The following GPD1L variants were observed in gnomAD, a reference collection of about 807,000 sequenced individuals.
The protein encoded by GPD1L is glycerol-3-phosphate dehydrogenase 1-like protein.
A neutral mutation model predicts 32.9 loss-of-function variants in GPD1L; 17 were observed. That is an observed-to-expected ratio of 0.52 (90% CI 0.35 to 0.78). GPD1L has a LOEUF of 0.78. GPD1L is among the 30% of genes least tolerant of loss of function. The pLI, the probability that GPD1L is intolerant of heterozygous loss-of-function variation, is 0.01. For synonymous variants in GPD1L, 187 were observed against 165.9 expected (o/e 1.13, Z -0.98); for missense variants, 361 against 447.8 (o/e 0.81, Z 1.75).
chr3:32,142,806 T>C (rs541050886), intron 4 of GPD1L, among the ~76,000 whole-genome samples: 91 of 152,258 alleles, frequency 6.0e-4, no homozygotes, highest in African/African-American at 2.0e-3. Flanking sequence ...TAAAAGCACA[T>C]AAGTTGCATT....
At chr3:32,129,440 T>G (rs548171755) in intron 2 of GPD1L, among the ~76,000 whole-genome samples, 1 of 152,356 alleles carries the variant, frequency 6.6e-6, no homozygotes, top group Admixed American at 6.5e-5. Context: ...GCAATACATT[T>G]AGTCTCATTT....
At chr3:32,128,522 G>T (rs536267529) in intron 2 of GPD1L, among the ~76,000 whole-genome samples, 3 of 152,222 alleles carry the variant, frequency 2.0e-5, no homozygotes, top group African/African-American at 7.2e-5. Flanking sequence ...TGAGATCAGG[G>T]TGTTGATAGG....
intron 1 of GPD1L, among the ~76,000 whole-genome samples, chr3:32,120,945 G>A (rs996704391): frequency 2.0e-5 from 3 of 152,138 alleles, no homozygotes; most frequent in Non-Finnish European, 4.4e-5. Flanking sequence ...GCTGGAGGCG[G>A]GGAGGGCATT....
chr3:32,161,307 C>G (rs1481600154), intron 7 of GPD1L, among the ~76,000 whole-genome samples: 1 of 152,100 alleles, frequency 6.6e-6, no homozygotes, highest in Non-Finnish European at 1.5e-5. Context: ...TAAAACCAGC[C>G]ATGCAGAGAT....
chr3:32,127,943 T>C (rs1700535138), intron 1 of GPD1L, 133 bp from the exon 2 acceptor site: 1 of 721,036 alleles, frequency 1.4e-6, no homozygotes, highest in South Asian at 1.5e-5. Context: ...TTGGGGCTGA[T>C]ACACGTCACA....
chr3:32,109,029 T>TTAGTAGAGACGGGGTTTCACCA (rs1700208699), intron 1 of GPD1L, among the ~76,000 whole-genome samples: 1 of 152,176 alleles, frequency 6.6e-6, no homozygotes, highest in Non-Finnish European at 1.5e-5. Context: ...TTTTGTATTC[T>TTAGTAGAGACGGGGTTTCACCA]TAGTAGAGAC....
intron 1 of GPD1L, among the ~76,000 whole-genome samples, chr3:32,120,489 G>A (rs1037974184): frequency 6.6e-6 from 1 of 152,302 alleles, no homozygotes; most frequent in Non-Finnish European, 1.5e-5. Context: ...GATTAGTCAA[G>A]GTGGTCTTTC....
intron 1 of GPD1L, among the ~76,000 whole-genome samples, chr3:32,112,872 AC>A (rs1453108624): frequency 6.6e-5 from 10 of 152,132 alleles, no homozygotes; most frequent in African/African-American, 2.4e-4. Context: ...TATTATTATA[AC>A]CCTATGTTAG....
At chr3:32,117,255 C>G (rs1198228438) in intron 1 of GPD1L, among the ~76,000 whole-genome samples, 1 of 152,102 alleles carries the variant, frequency 6.6e-6, no homozygotes, top group Non-Finnish European at 1.5e-5. Flanking sequence ...CAGTGAATAG[C>G]CTTATACTGA....
Position 32,108,744 on chromosome 3 carries a change from A to C in GPD1L, c.47+1986A>C, listed in dbSNP as rs538107612. On this transcript the variant is annotated intron_variant, in intron 1 of 7. Transcript: ENST00000282541. Reference sequence around the variant, plus strand: ...TATTGCATACTTTTCTGTGAGCTGCATTTTTCAACCAACAACAGAATGTTC... The same window carrying C: ...TATTGCATACTTTTCTGTGAGCTGCCTTTTTCAACCAACAACAGAATGTTC... Among the ~76,000 whole-genome samples the C allele has an allele frequency of 2.2e-4, 34 of 152,152 alleles. 1 individual carries two copies. The highest frequency in any genetic ancestry group is 9.2e-4 in the Admixed American group (14 of 15,272).
intron 5 of GPD1L, among the ~76,000 whole-genome samples, chr3:32,157,208 C>G (rs1203890876): frequency 6.6e-6 from 1 of 151,404 alleles, no homozygotes; most frequent in Non-Finnish European, 1.5e-5. Flanking sequence ...TGAACGGAAG[C>G]TTGTGGCTCC....
Position 32,159,576 on chromosome 3 carries a change from A to G in GPD1L, c.861A>G (p.Glu287=), listed in dbSNP as rs1701048737. The G allele has an allele frequency of 2.5e-6, 4 of 1,587,534 alleles. No individual in the cohort carries two copies. The highest frequency in any genetic ancestry group is 2.6e-6 in the Non-Finnish European group (3 of 1,155,982). Reference sequence around the variant, plus strand: ...AATCCTTTGTTTTTAAGACCATTGAAGAGTTGGAGAAGGAGATGCTGAATG... The same window carrying G: ...AATCCTTTGTTTTTAAGACCATTGAGGAGTTGGAGAAGGAGATGCTGAATG... ...EAFARTGKTI[E]ELEKEMLNGQ... is the part of the protein sequence containing the mutation. The change falls in exon 7 of 8, where the codon GAA becomes GAG. Residue 287 remains glutamate, a synonymous_variant. Coordinates refer to ENST00000282541, the MANE Select transcript of GPD1L (RefSeq NM_015141.4).
At chr3:32,165,374 C>T (rs1232130198) in intron 7 of GPD1L, among the ~76,000 whole-genome samples, 2 of 58,396 alleles carry the variant, frequency 3.4e-5, no homozygotes, top group Non-Finnish European at 6.2e-5. Flanking sequence ...CGGGAGCATT[C>T]CAGCCTACAT....
chr3:32,117,991 G>T (rs1700356049), intron 1 of GPD1L, among the ~76,000 whole-genome samples: 1 of 152,174 alleles, frequency 6.6e-6, no homozygotes, highest in South Asian at 2.1e-4. Flanking sequence ...GGCTGACAGA[G>T]GTGTGGTCCA....
At chr3:32,157,534 G>T (rs1701011630) in intron 5 of GPD1L, among the ~76,000 whole-genome samples, 1 of 152,134 alleles carries the variant, frequency 6.6e-6, no homozygotes, top group Non-Finnish European at 1.5e-5. Flanking sequence ...GGGCTGAGTG[G>T]GGTGCTCCCC....
chr3:32,161,529 ACT>A (rs1185436591), intron 7 of GPD1L, among the ~76,000 whole-genome samples: 1 of 151,950 alleles, frequency 6.6e-6, no homozygotes, highest in Non-Finnish European at 1.5e-5. Context: ...GTTTAGTGAG[ACT>A]CTCCCAACCA....
rs1313182212 is a variant in GPD1L, at chr3:32,153,141, T to G, written c.619-5735T>G. On this transcript the variant is annotated intron_variant, in intron 5 of 7. Transcript: ENST00000282541. ...GGGGCTGTTCTGCAGTTCTAATTGCTGGGCATGTAGGTTTGCTCCAGGGCT... is the reference window on the plus strand; with the variant it reads ...GGGGCTGTTCTGCAGTTCTAATTGCGGGGCATGTAGGTTTGCTCCAGGGCT... Among the ~76,000 whole-genome samples, 4 of 152,298 alleles carry G rather than the reference T, an allele frequency of 2.6e-5. No individual in the cohort carries two copies. The East Asian group carries it at 7.7e-4, about 29-fold the overall frequency.
intron 1 of GPD1L, among the ~76,000 whole-genome samples, chr3:32,125,436 C>A (rs1446242103): frequency 6.6e-6 from 1 of 152,196 alleles, no homozygotes; most frequent in East Asian, 1.9e-4. Context: ...TCTGCTCTTC[C>A]CAGCCCTGAT....
chr3:32,126,013 A>G (rs1700502236), intron 1 of GPD1L, among the ~76,000 whole-genome samples: 1 of 152,026 alleles, frequency 6.6e-6, no homozygotes, highest in African/African-American at 2.4e-5. Context: ...TTAGTTCTTA[A>G]TGGTACCAAT....
Sources: gnomAD v4.1 joint callset for allele counts (sites outside exome capture counted in the v4.1 genomes callset) on GRCh38, gnomAD v4.1.1 for gene constraint, MANE v1.5 for transcripts, NCBI Gene and HGNC (gene_info 2026-07-23, HGNC 2026-07-21) for gene names.